LPP: variants seen among roughly 807,000 people sequenced by gnomAD.
LPP encodes the protein LIM domain containing preferred translocation partner in lipoma.
In LPP, 38 loss-of-function variants were observed where a neutral mutation model predicts 60.4. The ratio of observed to expected loss-of-function variants is 0.63; its 90% CI spans 0.49 to 0.83. The LOEUF is 0.83. LPP is among the 40% of genes least tolerant of loss of function. The pLI, the probability that LPP is intolerant of heterozygous loss-of-function variation, is 0.00. For synonymous variants in LPP, 328 were observed against 290.8 expected, an observed-to-expected ratio of 1.13 and a Z score of -1.30; for missense variants, 902 against 783.6, an observed-to-expected ratio of 1.15 and a Z score of -1.80.
chr3:188,637,891 G>C (rs1849161453), intron 7 of LPP, among the ~76,000 whole-genome samples: 2 of 150,680 alleles, frequency 1.3e-5, no homozygotes, highest in Non-Finnish European at 3.0e-5. Context: ...CAACCAAAAA[G>C]AGTCCAGGAC....
intron 4 of LPP, among the ~76,000 whole-genome samples, chr3:188,478,337 T>C (rs1477900807): frequency 6.6e-6 from 1 of 152,216 alleles, no homozygotes; most frequent in Non-Finnish European, 1.5e-5. Flanking sequence ...ACAGTCAATT[T>C]AGTGGGTCAG....
At chr3:188,327,802 A>T (rs1758863199) in intron 2 of LPP, among the ~76,000 whole-genome samples, 2 of 152,142 alleles carry the variant, frequency 1.3e-5, no homozygotes, top group Non-Finnish European at 2.9e-5. Context: ...GAGGGAACAT[A>T]AGTCCTGTCT....
chr3:188,639,792 G>A (rs1849664510), intron 7 of LPP, among the ~76,000 whole-genome samples: 1 of 152,226 alleles, frequency 6.6e-6, no homozygotes, highest in Admixed American at 6.5e-5. Flanking sequence ...GGCCATCAGA[G>A]AAATGCAAAT....
At chr3:188,546,561 G>A (rs1218708728) in intron 6 of LPP, among the ~76,000 whole-genome samples, 1 of 152,090 alleles carries the variant, frequency 6.6e-6, no homozygotes, top group African/African-American at 2.4e-5. Flanking sequence ...TAATGATTTT[G>A]CCTTTAATTT....
chr3:188,498,204 A>G (rs961489397), intron 5 of LPP, among the ~76,000 whole-genome samples: 1 of 152,138 alleles, frequency 6.6e-6, no homozygotes, highest in Non-Finnish European at 1.5e-5. Context: ...ACATAATATA[A>G]AATTTACTAT....
intron 4 of LPP, among the ~76,000 whole-genome samples, chr3:188,428,596 A>ATTTT (rs3057781): frequency 1.1e-4 from 15 of 142,682 alleles, no homozygotes; most frequent in East Asian, 4.1e-4. Flanking sequence ...ATATATATAT[A>ATTTT]TTTTTTTTTT....
intron 1 of LPP, among the ~76,000 whole-genome samples, chr3:188,187,673 AC>A (rs1170291819): frequency 6.6e-6 from 1 of 151,944 alleles, no homozygotes; most frequent in Non-Finnish European, 1.5e-5. Context: ...ATAATTTCTT[AC>A]GCAGTTTCCC....
intron 4 of LPP, among the ~76,000 whole-genome samples, chr3:188,437,005 ACT>A (rs1441331762): frequency 1.3e-5 from 2 of 151,918 alleles, no homozygotes; most frequent in Non-Finnish European, 2.9e-5. Context: ...AAGAGTAAAG[ACT>A]CTGCCAACCT....
intron 6 of LPP, among the ~76,000 whole-genome samples, chr3:188,600,436 A>C (rs1840907927): frequency 1.3e-5 from 2 of 151,582 alleles, no homozygotes; most frequent in Non-Finnish European, 2.9e-5. Flanking sequence ...ATATGTATAT[A>C]TGAGATATAG....
At chr3:188,426,672 C>CT (rs1789440863) in intron 4 of LPP, among the ~76,000 whole-genome samples, 1 of 152,072 alleles carries the variant, frequency 6.6e-6, no homozygotes, top group African/African-American at 2.4e-5. Context: ...GTAGTTAGCC[C>CT]TTTTTGTTGC....
chr3:188,207,530 C>A (rs1733626182), intron 1 of LPP, among the ~76,000 whole-genome samples: 1 of 151,968 alleles, frequency 6.6e-6, no homozygotes, highest in Non-Finnish European at 1.5e-5. Flanking sequence ...CCGTGCTCCA[C>A]CCACATTTTC....
At chr3:188,545,366 A>T (rs1826343667) in intron 6 of LPP, among the ~76,000 whole-genome samples, 1 of 151,762 alleles carries the variant, frequency 6.6e-6, no homozygotes, top group Non-Finnish European at 1.5e-5. Flanking sequence ...GAGGCAAAAC[A>T]AGCACTCCCT....
chr3:188,487,147 G>A, intron 5 of LPP, among the ~76,000 whole-genome samples: 1 of 152,158 alleles, frequency 6.6e-6, no homozygotes, highest in Non-Finnish European at 1.5e-5. Flanking sequence ...CTAGTTGTGT[G>A]ATCTTGCGCA....
intron 3 of LPP, among the ~76,000 whole-genome samples, chr3:188,357,819 T>A (rs913213397): frequency 2.6e-5 from 4 of 152,204 alleles, no homozygotes; most frequent in African/African-American, 9.7e-5. Flanking sequence ...ATGTTTGCTA[T>A]CTTTTCTGTT....
rs113601471 is a variant in LPP at position 188,230,940 on chromosome 3, C to A, written c.-67+5413C>A. ...CTGAACTCCGGGGAAGATCTACTTG[C>A]TACCAAGCACATCGCATGATGGTTG... On this transcript the variant is annotated intron_variant, in intron 2 of 11. Coordinates refer to ENST00000617246, the MANE Select transcript of LPP (RefSeq NM_001375462.1). Among the ~76,000 whole-genome samples, 37 of 152,252 alleles carry A rather than the reference C, an allele frequency of 2.4e-4. 1 individual carries two copies. Among genetic ancestry groups the A allele is most frequent in the African/African-American group, 8.7e-4 (36 of 41,562 alleles).
chr3:188,433,605 A>T (rs1578858923), intron 4 of LPP, among the ~76,000 whole-genome samples: 1 of 99,604 alleles, frequency 1.0e-5, no homozygotes, highest in Admixed American at 9.1e-5. Flanking sequence ...AAAGTGAGAG[A>T]GAGAGAGAGA....
intron 7 of LPP, among the ~76,000 whole-genome samples, chr3:188,663,584 A>T (rs1293151559): frequency 6.6e-6 from 1 of 152,204 alleles, no homozygotes; most frequent in Non-Finnish European, 1.5e-5. Context: ...GATATATATT[A>T]TGCATATTTT....
At chr3:188,560,033 C>T (rs1579956751) in intron 6 of LPP, among the ~76,000 whole-genome samples, 1 of 152,096 alleles carries the variant, frequency 6.6e-6, no homozygotes, top group Non-Finnish European at 1.5e-5. Context: ...CTGGTTCCAC[C>T]ACTCAGCAGC....
chr3:188,447,337 CGTG>C (rs1795456149), intron 4 of LPP, among the ~76,000 whole-genome samples: 1 of 152,046 alleles, frequency 6.6e-6, no homozygotes, highest in African/African-American at 2.4e-5. Flanking sequence ...CTTGGCTGGG[CGTG>C]GTGGCTCACG....
Sources: allele counts gnomAD v4.1 joint callset (sites outside exome capture counted in the v4.1 genomes callset), GRCh38; gene constraint gnomAD v4.1.1; transcripts MANE v1.5; gene names NCBI Gene and HGNC (gene_info 2026-07-23, HGNC 2026-07-21).